PDSS2: variants seen among roughly 807,000 people sequenced by gnomAD.
PDSS2 encodes decaprenyl diphosphate synthase subunit 2, also known as all trans-polyprenyl-diphosphate synthase PDSS2.
PDSS2 carries 31 observed loss-of-function variants against 44.5 expected under a neutral mutation model. That is an observed-to-expected ratio of 0.70 (90% CI 0.52 to 0.94). The LOEUF is 0.94. Ranked by LOEUF, PDSS2 falls within the 40% of genes least tolerant of loss-of-function variation. PDSS2 has a pLI of 0.00. For synonymous variants in PDSS2, 157 were observed against 180.3 expected (o/e 0.87, Z 1.03); for missense variants, 452 against 482.2 (o/e 0.94, Z 0.59).
chr6:107,447,744 A>T (rs1781735031), intron 1 of PDSS2, among the ~76,000 whole-genome samples: 1 of 152,182 alleles, frequency 6.6e-6, no homozygotes, highest in South Asian at 2.1e-4. Flanking sequence ...CTCTTCTCAC[A>T]GTTCCACTAG....
intron 1 of PDSS2, among the ~76,000 whole-genome samples, chr6:107,355,658 T>G (rs1331796586): frequency 6.7e-6 from 1 of 148,276 alleles, no homozygotes; most frequent in Non-Finnish European, 1.5e-5. Flanking sequence ...TCAGTTTGTC[T>G]TCTTCTATAG....
At chr6:107,190,599 A>T (rs1452656730) in intron 7 of PDSS2, among the ~76,000 whole-genome samples, 1 of 152,224 alleles carries the variant, frequency 6.6e-6, no homozygotes, top group Non-Finnish European at 1.5e-5. Flanking sequence ...GGAACTGAGG[A>T]AAGCACCTAA....
chr6:107,228,026 T>C (rs1773893968), intron 4 of PDSS2, among the ~76,000 whole-genome samples: 1 of 152,254 alleles, frequency 6.6e-6, no homozygotes, highest in Non-Finnish European at 1.5e-5. Context: ...TTGATCAGAA[T>C]GGTATTCTGT....
chr6:107,305,408 G>T (rs956115086), intron 2 of PDSS2, among the ~76,000 whole-genome samples: 1 of 152,054 alleles, frequency 6.6e-6, no homozygotes, highest in East Asian at 1.9e-4. Flanking sequence ...AGTCATTTAC[G>T]CTTTAGGGTG....
chr6:107,189,982 T>G (rs1562363175), intron 7 of PDSS2, among the ~76,000 whole-genome samples: 2 of 151,204 alleles, frequency 1.3e-5, no homozygotes, highest in Non-Finnish European at 2.9e-5. Context: ...TACCTGGGAG[T>G]CTGAGGCAAG....
intron 7 of PDSS2, among the ~76,000 whole-genome samples, chr6:107,189,297 G>C (rs957184693): frequency 3.9e-5 from 6 of 151,912 alleles, no homozygotes; most frequent in Admixed American, 2.6e-4. Context: ...CTCCTGCCTT[G>C]GCTTCCCAAA....
intron 2 of PDSS2, among the ~76,000 whole-genome samples, chr6:107,317,899 A>C (rs965375688): frequency 6.6e-6 from 1 of 152,146 alleles, no homozygotes. Flanking sequence ...CACAGAGGTG[A>C]GTAATTTTCC....
In PDSS2 at chr6:107,210,561, C is replaced by G; in HGVS notation, c.886G>C (p.Asp296His). 6.3e-7 allele frequency: 1 copy of G among 1,592,578 alleles called. No homozygotes were observed. Among genetic ancestry groups the G allele is most frequent in the Non-Finnish European group, 8.6e-7 (1 of 1,160,762 alleles). ...TTTTCTTTAATAAAAGGCTGGACATCAGAATTTATCTACAAGAAGCAATTA... is the reference window on the plus strand; with the variant it reads ...TTTTCTTTAATAAAAGGCTGGACATGAGAATTTATCTACAAGAAGCAATTA... ...HMAMSHKINS[D>H]VQPFIKEKTS... Residue 296 changes from aspartate to histidine, a missense_variant, in exon 6 of 8, where the codon GAT (aspartate) becomes CAT (histidine). Coordinates refer to ENST00000369037, the MANE Select transcript of PDSS2 (RefSeq NM_020381.4).
Position 107,154,746 on chromosome 6 carries a change from A to AG in PDSS2, c.1072_1073insC (p.Val358AlafsTer6). The AG allele has an allele frequency of 6.2e-7, 1 of 1,614,228 alleles. No individual in the cohort carries two copies. The highest frequency in any genetic ancestry group is 1.1e-5 in the South Asian group (1 of 91,088). ...ACGACACAGGTCAATAGCTGAAGTC[A>AG]CACCTTTGCCAGCTTTGATTCTTTC... On this transcript the variant is annotated frameshift_variant, in exon 8 of 8. Transcript: ENST00000369037. LOFTEE classifies it high-confidence loss of function.
At chr6:107,162,355 T>A (rs1016426471) in intron 7 of PDSS2, among the ~76,000 whole-genome samples, 1 of 151,712 alleles carries the variant, frequency 6.6e-6, no homozygotes. Flanking sequence ...TAGCCCGGTA[T>A]GGTGGCGTGC....
intron 4 of PDSS2, among the ~76,000 whole-genome samples, chr6:107,229,461 G>A (rs1248858923): frequency 2.2e-4 from 34 of 152,150 alleles, no homozygotes. Flanking sequence ...GGGATTACAG[G>A]TGTGAGCAAC....
intron 1 of PDSS2, among the ~76,000 whole-genome samples, chr6:107,447,486 A>C (rs1039605772): frequency 2.0e-5 from 3 of 152,218 alleles, no homozygotes; most frequent in Admixed American, 1.3e-4. Context: ...TCCGGAATCC[A>C]ACAGGGCAGT....
chr6:107,259,587 A>C (rs890832640), intron 3 of PDSS2, among the ~76,000 whole-genome samples: 3 of 152,038 alleles, frequency 2.0e-5, no homozygotes, highest in South Asian at 2.1e-4. Context: ...AGGCAGAAGA[A>C]TCTCTTGAAC....
At chr6:107,199,605 A>G (rs1049415251) in intron 6 of PDSS2, among the ~76,000 whole-genome samples, 3 of 152,182 alleles carry the variant, frequency 2.0e-5, no homozygotes, top group South Asian at 2.1e-4. Flanking sequence ...TACCTACACA[A>G]TACTGTTTTA....
At chr6:107,302,846 CAA>C (rs67469482) in intron 2 of PDSS2, among the ~76,000 whole-genome samples, 5 of 141,168 alleles carry the variant, frequency 3.5e-5, no homozygotes, top group African/African-American at 2.7e-5. Context: ...AACTTACTAC[CAA>C]AAAAAAAAAA....
chr6:107,235,342 A>T (rs534558434), intron 4 of PDSS2, among the ~76,000 whole-genome samples: 1 of 152,326 alleles, frequency 6.6e-6, no homozygotes, highest in South Asian at 2.1e-4. Context: ...ACCCAGAAGG[A>T]ACAGCAGAAA....
rs1771564772 is a variant in PDSS2 at position 107,171,249 on chromosome 6, CCTCTTGGG to C, written c.1042-16480_1042-16473del. ...AGATCATAGTTCACTGTAGCCTCAA[CCTCTTGGG>C]CTTGAGCCATCCTCTCACTTTAGCC... On this transcript the variant is annotated intron_variant, in intron 7 of 7. Transcript: ENST00000369037. Among the ~76,000 whole-genome samples, 4 of 152,090 alleles carry C rather than the reference CCTCTTGGG, an allele frequency of 2.6e-5. No homozygotes were observed. In the South Asian group the frequency reaches 8.3e-4, roughly 32 times the overall value.
chr6:107,225,137 T>TATATATATATATATATTTATATATATA lies in PDSS2; in HGVS notation c.703-12856_703-12855insTATATATATAAATATATATATATATAT, dbSNP rs1446558243. Among the ~76,000 whole-genome samples, 23 of 62,386 alleles carry TATATATATATATATATTTATATATATA rather than the reference T, an allele frequency of 3.7e-4. 1 individual carries two copies. Among genetic ancestry groups the TATATATATATATATATTTATATATATA allele is most frequent in the Non-Finnish European group, 5.7e-4 (22 of 38,426 alleles). The allele number at this position is 62,386 out of a possible 152,430, so 40.9% of individuals were successfully genotyped here. ...AGGAAGCTTCACTATATATATATTT[T>TATATATATATATATATTTATATATATA]TATATATATATATATATATATATAT... On this transcript the variant is annotated intron_variant, in intron 4 of 7. Coordinates refer to ENST00000369037, the MANE Select transcript of PDSS2 (RefSeq NM_020381.4).
At chr6:107,414,202 C>T (rs558130392) in intron 1 of PDSS2, among the ~76,000 whole-genome samples, 39 of 152,298 alleles carry the variant, frequency 2.6e-4, no homozygotes, top group South Asian at 6.2e-4. Context: ...GGCTATCTGG[C>T]TTTAATTTGT....
Sources: allele counts gnomAD v4.1 joint callset (sites outside exome capture counted in the v4.1 genomes callset), GRCh38; gene constraint gnomAD v4.1.1; transcripts MANE v1.5; gene names NCBI Gene and HGNC (gene_info 2026-07-23, HGNC 2026-07-21).